EMILIN2: variants seen among roughly 807,000 people sequenced by gnomAD.
EMILIN2 encodes the protein EMILIN-2.
A neutral mutation model predicts 87.1 loss-of-function variants in EMILIN2; 71 were observed. That is an observed-to-expected ratio of 0.82 (90% CI 0.67 to 0.99). EMILIN2 has a LOEUF of 0.99. EMILIN2 is among the 50% of genes least tolerant of loss of function. EMILIN2 has a pLI of 0.00. For synonymous variants in EMILIN2, 581 were observed against 563.4 expected, an observed-to-expected ratio of 1.03 and a Z score of -0.44; for missense variants, 1,407 against 1,371.8, an observed-to-expected ratio of 1.03 and a Z score of -0.40.
intron 2 of EMILIN2, among the ~76,000 whole-genome samples, chr18:2,868,605 C>A (rs2143987119): frequency 6.6e-6 from 1 of 152,380 alleles, no homozygotes. Context: ...ACCAGCCCGG[C>A]CAACACAGCG....
intron 6 of EMILIN2, 117 bp from the exon 7 acceptor site, chr18:2,909,574 G>A: frequency 1.5e-6 from 2 of 1,355,280 alleles, no homozygotes; most frequent in Non-Finnish European, 2.0e-6. Flanking sequence ...CACCACTTTG[G>A]GTGAAATAAA....
intron 2 of EMILIN2, among the ~76,000 whole-genome samples, chr18:2,862,682 T>A (rs2076666958): frequency 6.6e-6 from 1 of 151,764 alleles, no homozygotes; most frequent in Admixed American, 6.6e-5. Context: ...TAAAATTCTC[T>A]TTTTTTTGTT....
In EMILIN2 at chr18:2,855,621, G is replaced by A. The variant is rs141182721; in HGVS notation, c.257+7690G>A. ...CAGGTGGGGCCAGGCTGCAGAGAAC[G>A]GCAAGTGGGTGGGAACTCCATCCAG... On this transcript the variant is annotated intron_variant, in intron 2 of 7. Coordinates refer to ENST00000254528, the MANE Select transcript of EMILIN2 (RefSeq NM_032048.3). Among the ~76,000 whole-genome samples the A allele has an allele frequency of 3.9e-3, 588 of 152,314 alleles. 7 individuals carry two copies. The highest frequency in any genetic ancestry group is 0.013 in the African/African-American group (543 of 41,570).
At chr18:2,874,409 C>T (rs549133509) in intron 2 of EMILIN2, among the ~76,000 whole-genome samples, 11 of 152,070 alleles carry the variant, frequency 7.2e-5, no homozygotes, top group Non-Finnish European at 1.0e-4. Flanking sequence ...TGTGTACCAT[C>T]ATTTGCTGAA....
At chr18:2,854,781 C>A (rs1478722593) in intron 2 of EMILIN2, among the ~76,000 whole-genome samples, 1 of 151,942 alleles carries the variant, frequency 6.6e-6, no homozygotes, top group Non-Finnish European at 1.5e-5. Context: ...ATGACAGAGT[C>A]AAAAACAAAA....
intron 2 of EMILIN2, among the ~76,000 whole-genome samples, chr18:2,884,321 A>C (rs898473526): frequency 2.6e-5 from 4 of 152,094 alleles, no homozygotes; most frequent in African/African-American, 9.6e-5. Flanking sequence ...GCGTGATCTC[A>C]GCTCACTGCA....
intron 2 of EMILIN2, among the ~76,000 whole-genome samples, chr18:2,867,592 C>T (rs1381400239): frequency 6.6e-6 from 1 of 152,164 alleles, no homozygotes; most frequent in Non-Finnish European, 1.5e-5. Flanking sequence ...TTTAACAAAG[C>T]ACATCTTGCA....
intron 3 of EMILIN2, among the ~76,000 whole-genome samples, chr18:2,885,504 G>A (rs2076798908): frequency 6.6e-6 from 1 of 152,020 alleles, no homozygotes; most frequent in African/African-American, 2.4e-5. Flanking sequence ...GAATTTAGGG[G>A]GGTTAAAATT....
At chr18:2,896,935 G>A (rs942421591) in intron 4 of EMILIN2, among the ~76,000 whole-genome samples, 15 of 151,636 alleles carry the variant, frequency 9.9e-5, no homozygotes, top group Middle Eastern at 3.2e-3. Context: ...CCAAGAGTTC[G>A]AGACCAGCCT....
chr18:2,861,960 G>A lies in EMILIN2; in HGVS notation c.257+14029G>A, dbSNP rs533975171. Among the ~76,000 whole-genome samples the A allele has an allele frequency of 2.8e-4, 43 of 152,276 alleles. No individual in the cohort carries two copies. The South Asian group carries it at 7.0e-3, about 25-fold the overall frequency. On this transcript the variant is annotated intron_variant, in intron 2 of 7. Coordinates refer to ENST00000254528, the MANE Select transcript of EMILIN2 (RefSeq NM_032048.3). ...AAGAGGTCCTTCACAATCCTTGTAAGTTGGATTCCTAGGTATTTTATTCTC... is the reference window on the plus strand; with the variant it reads ...AAGAGGTCCTTCACAATCCTTGTAAATTGGATTCCTAGGTATTTTATTCTC...
intron 5 of EMILIN2, among the ~76,000 whole-genome samples, chr18:2,908,491 C>A (rs2076925529): frequency 6.6e-6 from 1 of 152,336 alleles, no homozygotes; most frequent in South Asian, 2.1e-4. Context: ...CTGTGTGCAT[C>A]CACTCATCCA....
intron 3 of EMILIN2, among the ~76,000 whole-genome samples, chr18:2,889,133 C>CTTTTTTTTTTTTTTTTTTT (rs772439545): frequency 5.7e-4 from 48 of 84,318 alleles, no homozygotes; most frequent in East Asian, 1.3e-3. Context: ...TCTTTCTTTT[C>CTTTTTTTTTTTTTTTTTTT]TTTTTTTTTT....
intron 4 of EMILIN2, among the ~76,000 whole-genome samples, chr18:2,896,179 T>C (rs1380252849): frequency 2.6e-5 from 4 of 151,938 alleles, no homozygotes; most frequent in African/African-American, 4.8e-5. Flanking sequence ...TAAATAAATA[T>C]ATATAATTGT....
chr18:2,902,015 A>G (rs1230349636), intron 4 of EMILIN2, among the ~76,000 whole-genome samples: 1 of 152,234 alleles, frequency 6.6e-6, no homozygotes. Context: ...GGAATATCTT[A>G]GTTCATTCTT....
intron 2 of EMILIN2, among the ~76,000 whole-genome samples, chr18:2,862,441 G>A (rs1403282086): frequency 6.6e-6 from 1 of 152,208 alleles, no homozygotes; most frequent in African/African-American, 2.4e-5. Context: ...CTTTTAGCAT[G>A]AAGGTTGTTG....
intron 2 of EMILIN2, among the ~76,000 whole-genome samples, chr18:2,866,786 G>A (rs1298553224): frequency 6.6e-6 from 1 of 152,118 alleles, no homozygotes; most frequent in Non-Finnish European, 1.5e-5. Flanking sequence ...GTTCTCAGAG[G>A]GAAAGCTTTC....
upstream of EMILIN2, chr18:2,846,975 C>G: frequency 1.0e-6 from 1 of 1,002,626 alleles, no homozygotes; most frequent in Non-Finnish European, 1.2e-6. The surrounding 1 kb of genome is among the most constrained non-coding windows in gnomAD (Gnocchi z 5.3). Flanking sequence ...CATTGAGGGA[C>G]CGGGGAGAAG....
intron 2 of EMILIN2, among the ~76,000 whole-genome samples, chr18:2,872,630 T>C (rs2076725931): frequency 6.6e-6 from 1 of 152,258 alleles, no homozygotes; most frequent in South Asian, 2.1e-4. Flanking sequence ...AATTGTAATG[T>C]AGATTACTTA....
In EMILIN2 at chr18:2,885,115, C is replaced by G. The variant is rs373424505; in HGVS notation, c.409C>G (p.Arg137Gly). Residue 137 changes from arginine (R) to glycine (G), a missense_variant, in exon 3 of 8, where the codon CGA (arginine) becomes GGA (glycine). Transcript: ENST00000254528. ...KTLRPTPARPRNSLKKATDNE... is the reference protein window; with the variant it reads ...KTLRPTPARPGNSLKKATDNE... ...CCTCCGCCCCACGCCGGCTCGGCCT[C>G]GAAACAGCTTGAAGAAAGCCACAGG... is the stretch of plus-strand genomic sequence containing the variant. The G allele has an allele frequency of 6.2e-7, 1 of 1,608,748 alleles. No homozygotes were observed. Among genetic ancestry groups the G allele is most frequent in the Non-Finnish European group, 8.5e-7 (1 of 1,178,242 alleles).
Sources: gnomAD v4.1 joint callset for allele counts (sites outside exome capture counted in the v4.1 genomes callset) on GRCh38, gnomAD v4.1.1 for gene constraint, Gnocchi (gnomAD v3.1) non-coding constraint, MANE v1.5 for transcripts, NCBI Gene and HGNC (gene_info 2026-07-23, HGNC 2026-07-21) for gene names.